Variants in ZMYND11 observed in about 807,000 individuals in gnomAD.
The protein encoded by ZMYND11 is zinc finger MYND domain-containing protein 11.
ZMYND11 carries 9 observed loss-of-function variants against 84.9 expected under a neutral mutation model. The observed-to-expected ratio is 0.11, with a 90% confidence interval of 0.06 to 0.18. ZMYND11 has a LOEUF of 0.18. Among genes scored for constraint, ZMYND11 ranks in the 10% least tolerant of loss-of-function variants. ZMYND11 has a pLI of 1.00. For missense variants in ZMYND11, 409 were observed against 761.0 expected (o/e 0.54, Z 5.44); for synonymous variants, 250 against 244.1 (o/e 1.02, Z -0.23).
At chr10:228,968 G>A (rs1948563062) in intron 4 of ZMYND11, among the ~76,000 whole-genome samples, 2 of 152,268 alleles carry the variant, frequency 1.3e-5, no homozygotes, top group South Asian at 4.1e-4. Flanking sequence ...GTACCTGTGG[G>A]CATAGTGGAT....
At chr10:223,173 G>A (rs958352773) in intron 4 of ZMYND11, among the ~76,000 whole-genome samples, 9 of 151,932 alleles carry the variant, frequency 5.9e-5, no homozygotes, top group Admixed American at 5.2e-4. Context: ...GGGATTACAG[G>A]TGCGTGCCAC....
At chr10:146,536 A>T (rs1346366561) in intron 1 of ZMYND11, among the ~76,000 whole-genome samples, 1 of 151,992 alleles carries the variant, frequency 6.6e-6, no homozygotes, top group Non-Finnish European at 1.5e-5. Flanking sequence ...ATCATCTGTG[A>T]TTTCTTTCAG....
At chr10:182,365 T>A in intron 2 of ZMYND11, among the ~76,000 whole-genome samples, 1 of 152,226 alleles carries the variant, frequency 6.6e-6, no homozygotes, top group Non-Finnish European at 1.5e-5. Context: ...TTCTTTTCTC[T>A]CCTTTCTTCA....
At chr10:250,068 T>C (rs2043201) in intron 14 of ZMYND11, among the ~76,000 whole-genome samples, 144,491 of 152,274 alleles carry the variant, frequency 0.95, 68,676 homozygotes, top group Non-Finnish European at 0.98. Flanking sequence ...AAAGCGTGCT[T>C]TCCGAATAAC....
intron 2 of ZMYND11, among the ~76,000 whole-genome samples, chr10:208,407 A>G (rs1169122073): frequency 6.6e-6 from 1 of 152,222 alleles, no homozygotes; most frequent in African/African-American, 2.4e-5. Flanking sequence ...ACAAAGGGCT[A>G]ATATCCAGAA....
intron 10 of ZMYND11, among the ~76,000 whole-genome samples, chr10:245,252 A>G (rs1439329318): frequency 6.6e-6 from 1 of 152,180 alleles, no homozygotes; most frequent in African/African-American, 2.4e-5. Context: ...TGGAAGTTCA[A>G]CTCTAACAAT....
intron 2 of ZMYND11, among the ~76,000 whole-genome samples, chr10:205,167 G>A (rs1943911362): frequency 6.6e-6 from 1 of 152,108 alleles, no homozygotes; most frequent in Non-Finnish European, 1.5e-5. Context: ...TTGGAAATTG[G>A]CCTTTTAAAG....
intron 4 of ZMYND11, among the ~76,000 whole-genome samples, chr10:234,582 T>A (rs1949599855): frequency 1.3e-5 from 2 of 151,982 alleles, no homozygotes; most frequent in Admixed American, 1.3e-4. Flanking sequence ...TATGTCTGAG[T>A]TTAGATAAAT....
upstream of ZMYND11, among the ~76,000 whole-genome samples, chr10:130,545 T>C: frequency 6.6e-6 from 1 of 152,252 alleles, no homozygotes; most frequent in East Asian, 1.9e-4. Flanking sequence ...TACATGCATT[T>C]TCTCATTTAA....
intron 4 of ZMYND11, among the ~76,000 whole-genome samples, chr10:223,782 G>C (rs1947582657): frequency 6.6e-6 from 1 of 152,176 alleles, no homozygotes; most frequent in Non-Finnish European, 1.5e-5. Flanking sequence ...TTAAGGTGAA[G>C]TTATTGGTTG....
chr10:230,496 A>AAAAAG (rs1948843514), intron 4 of ZMYND11, among the ~76,000 whole-genome samples: 1 of 150,188 alleles, frequency 6.7e-6, no homozygotes, highest in East Asian at 1.9e-4. Flanking sequence ...AAAAAAAAAA[A>AAAAAG]AAAAACTACA....
chr10:202,880 T>C (rs967145186), intron 2 of ZMYND11, among the ~76,000 whole-genome samples: 19 of 152,190 alleles, frequency 1.2e-4, no homozygotes, highest in Admixed American at 6.5e-4. Context: ...ATCCATGCTC[T>C]ATGGTTGTTT....
intron 2 of ZMYND11, chr10:197,925 C>T (rs1429216316): frequency 1.6e-6 from 1 of 619,890 alleles, no homozygotes; most frequent in East Asian, 2.9e-5. Context: ...GAAACAACTA[C>T]ATTATTCTTG....
chr10:155,667 A>G (rs1841525328), intron 1 of ZMYND11, among the ~76,000 whole-genome samples: 1 of 152,228 alleles, frequency 6.6e-6, no homozygotes, highest in African/African-American at 2.4e-5. Context: ...GCAAATTAAG[A>G]CATGGTATGA....
chr10:242,931 T>C (rs539224223), intron 10 of ZMYND11, among the ~76,000 whole-genome samples: 1 of 152,342 alleles, frequency 6.6e-6, no homozygotes, highest in Middle Eastern at 3.4e-3. Context: ...GACACTGTCA[T>C]GTCAAGAAAC....
chr10:239,542 T>TTTTC lies in ZMYND11; in HGVS notation c.697+20_697+21insCTTT. On this transcript the variant is annotated intron_variant, in intron 7 of 14. Transcript: ENST00000381604. ...TCTATGGAGGTTGAATATTTTTGTT[T>TTTTC]TTTTTGTATGCATTTTTAAACACAC... The TTTTC allele has an allele frequency of 6.4e-7, 1 of 1,574,336 alleles. No homozygotes were observed. The highest frequency in any genetic ancestry group is 8.7e-7 in the Non-Finnish European group (1 of 1,150,834).
At chr10:189,917 G>A (rs918475486) in intron 2 of ZMYND11, among the ~76,000 whole-genome samples, 6 of 152,090 alleles carry the variant, frequency 3.9e-5, no homozygotes, top group African/African-American at 1.4e-4. Flanking sequence ...TTGATATTTC[G>A]ATGGGATTCG....
At chr10:227,169 A>G (rs1264132947) in intron 4 of ZMYND11, among the ~76,000 whole-genome samples, 2 of 152,192 alleles carry the variant, frequency 1.3e-5, no homozygotes, top group African/African-American at 4.8e-5. Context: ...ATCTAATCCA[A>G]AAAGCTCTCC....
chr10:237,871 C>G (rs1950239207), intron 6 of ZMYND11, among the ~76,000 whole-genome samples, 194 bp downstream of exon 6: 1 of 152,174 alleles, frequency 6.6e-6, no homozygotes, highest in Non-Finnish European at 1.5e-5. Flanking sequence ...TGTGCTTACT[C>G]TAATGCAAAT....
Sources: allele counts gnomAD v4.1 joint callset (sites outside exome capture counted in the v4.1 genomes callset), GRCh38; gene constraint gnomAD v4.1.1; transcripts MANE v1.5; gene names NCBI Gene and HGNC (gene_info 2026-07-23, HGNC 2026-07-21).